PCSK4: variants seen among roughly 807,000 people sequenced by gnomAD.
The protein encoded by PCSK4 is testicular tissue protein Li 135.
A neutral mutation model predicts 80.3 loss-of-function variants in PCSK4; 64 were observed. The observed-to-expected ratio is 0.80, with a 90% CI of 0.65 to 0.98. The LOEUF (loss-of-function observed/expected upper bound fraction) is 0.98, where lower values mean the gene tolerates loss of function less well. Ranked by LOEUF, PCSK4 falls within the 50% of genes least tolerant of loss-of-function variation. The pLI is 0.00. For synonymous variants in PCSK4, 561 were observed against 487.6 expected, an observed-to-expected ratio of 1.15 and a Z score of -1.98; for missense variants, 1,213 against 1,093.6, an observed-to-expected ratio of 1.11 and a Z score of -1.54.
intron 2 of PCSK4, among the ~76,000 whole-genome samples, chr19:1,489,366 C>T (rs2084815074): frequency 6.6e-6 from 1 of 152,092 alleles, no homozygotes; most frequent in Non-Finnish European, 1.5e-5. Context: ...GATTTCCTGA[C>T]CTTGTGATCC....
intron 8 of PCSK4, among the ~76,000 whole-genome samples, chr19:1,486,217 T>G (rs1296714366): frequency 2.0e-5 from 3 of 151,990 alleles, no homozygotes; most frequent in Admixed American, 6.6e-5. Context: ...CCTCAGGTGA[T>G]CCACCCACCT....
chr19:1,486,826 G>T, intron 8 of PCSK4, 27 bp downstream of exon 8: 2 of 1,565,290 alleles, frequency 1.3e-6, no homozygotes, highest in East Asian at 2.3e-5. Flanking sequence ...CCTGGGGAGG[G>T]GACCCTGTTG....
At chr19:1,483,110 G>A (rs1397381402) in intron 12 of PCSK4, 90 bp from the exon 13 acceptor site, 6 of 1,315,408 alleles carry the variant, frequency 4.6e-6, no homozygotes, top group African/African-American at 4.4e-5. Flanking sequence ...GACCGCACGC[G>A]CTGGTGGCCG....
chr19:1,484,131 A>C lies in PCSK4; in HGVS notation c.1069-4T>G, dbSNP rs1392482155. ...CGTGATGCAGGTCCGTGGTGACCTG[A>C]GGGCAGAGGGGGGTGGGACTCGGGG... On this transcript the variant is annotated splice_polypyrimidine_tract_variant and splice_region_variant and intron_variant, in intron 8 of 14. Transcript: ENST00000300954. 2.0e-6 allele frequency: 3 copies of C among 1,532,916 alleles called. No individual in the cohort carries two copies. In the South Asian group the frequency reaches 3.6e-5, roughly 18 times the overall value. The allele number at this position is 1,532,916 out of a possible 1,614,324, so 95.0% of individuals were successfully genotyped here.
exon 8 of PCSK4, chr19:1,486,930 C>T (rs369332968): frequency 1.1e-5 from 17 of 1,605,216 alleles, no homozygotes; most frequent in African/African-American, 5.3e-5. Flanking sequence ...TACCAGGGCA[C>T]GCGGCCCTGC....
At chr19:1,483,521 C>T in intron 11 of PCSK4, 58 bp from the exon 12 acceptor site, 2 of 1,427,010 alleles carry the variant, frequency 1.4e-6, no homozygotes, top group South Asian at 2.5e-5. Flanking sequence ...GGGTGGGCGG[C>T]CAGCAGGCGA....
At chr19:1,490,546 G>A (rs898475920), upstream of PCSK4, 4 of 500,010 alleles carry the variant, frequency 8.0e-6, no homozygotes, top group Admixed American at 3.9e-5. Flanking sequence ...CCCGTCTTCC[G>A]CAGACCCACA....
chr19:1,482,036 G>A lies in PCSK4; in HGVS notation c.1991C>T (p.Pro664Leu), dbSNP rs559145373. 38 of 1,566,344 alleles carry A rather than the reference G, an allele frequency of 2.4e-5. No individual in the cohort carries two copies. The highest frequency in any genetic ancestry group is 2.0e-4 in the Middle Eastern group (1 of 5,010). ...TGGGGGACAGGAGGTGCAGTCCCTCGGGGAGCCGCCGCGGCAGGTGTAGCA... is the reference window on the plus strand; with the variant it reads ...TGGGGGACAGGAGGTGCAGTCCCTCAGGGAGCCGCCGCGGCAGGTGTAGCA... Residue 664 changes from proline to leucine, a missense_variant, in exon 15 of 15, where the codon CCG (proline) becomes CTG (leucine). Pro to Leu is a moderately conservative substitution (Grantham distance 98, BLOSUM62 -3). Transcript: ENST00000300954.
intron 13 of PCSK4, 29 bp downstream of exon 13, chr19:1,482,867 C>A: frequency 6.2e-7 from 1 of 1,608,168 alleles, no homozygotes; most frequent in South Asian, 1.1e-5. Context: ...AGCCAAGCCC[C>A]GCCCACCACA....
At position 1,483,710 on chromosome 19, in the gene PCSK4, C is replaced by T. The variant is rs376875738; in HGVS notation, c.1331G>A (p.Arg444His). 205 of 1,595,932 alleles carry T rather than the reference C, an allele frequency of 1.3e-4. No individual in the cohort carries two copies. Among genetic ancestry groups the T allele is most frequent in the Middle Eastern group, 7.7e-4 (4 of 5,220 alleles). Residue 444 changes from arginine to histidine, a missense_variant, in exon 11 of 15, where the codon CGC becomes CAC. Physicochemically the swap from Arg to His is conservative, Grantham distance 29. Transcript: ENST00000300954. ...CTGCGGCTGGGTGGGCAGCCAGGTG[C>T]GGGCGGTGTCCACCAGCAGCCCGGC...
At position 1,486,833 on chromosome 19, in the gene PCSK4, G is replaced by A. The variant is rs754604237; in HGVS notation, c.1068+20C>T. On this transcript the variant is annotated intron_variant, in intron 8 of 14. Coordinates refer to ENST00000300954, the Ensembl canonical transcript of PCSK4. Reference sequence around the variant, plus strand: ...TGGCAGGGCCTGGGGAGGGGACCCTGTTGGGGCGGCTGCACTCACGATCTG... The same window carrying A: ...TGGCAGGGCCTGGGGAGGGGACCCTATTGGGGCGGCTGCACTCACGATCTG... 1 of 1,580,640 alleles carries A rather than the reference G, an allele frequency of 6.3e-7. No homozygotes were observed. The highest frequency in any genetic ancestry group is 8.6e-7 in the Non-Finnish European group (1 of 1,169,140).
At chr19:1,486,533 T>C (rs2084621270) in intron 8 of PCSK4, among the ~76,000 whole-genome samples, 1 of 151,952 alleles carries the variant, frequency 6.6e-6, no homozygotes, top group Admixed American at 6.6e-5. Flanking sequence ...CCCGACCTCG[T>C]GATCCACCCG....
At chr19:1,484,512 C>T (rs1027303305) in intron 8 of PCSK4, among the ~76,000 whole-genome samples, 13 of 146,780 alleles carry the variant, frequency 8.9e-5, no homozygotes, top group Non-Finnish European at 1.6e-4. Flanking sequence ...AAAGTACTAA[C>T]GACTGAATTC....
At chr19:1,487,461 C>T (rs370390358) in intron 6 of PCSK4, 142 bp downstream of exon 6, 39 of 976,588 alleles carry the variant, frequency 4.0e-5, no homozygotes, top group Non-Finnish European at 2.7e-5. Context: ...TGGCTCAGCA[C>T]CCCCCAAGCC....
At chr19:1,486,621 A>T (rs2084629919) in intron 8 of PCSK4, among the ~76,000 whole-genome samples, 1 of 150,600 alleles carries the variant, frequency 6.6e-6, no homozygotes. Context: ...TTTAGTAGAG[A>T]CAGGGTTTCA....
At chr19:1,487,284 C>G in exon 7 of PCSK4, 1 of 1,599,088 alleles carries the variant, frequency 6.3e-7, no homozygotes, top group Non-Finnish European at 8.5e-7. Flanking sequence ...TCGATGACAT[C>G]GGTGATGGTA....
chr19:1,482,271 C>G, intron 14 of PCSK4, 64 bp from the exon 15 acceptor site: 1 of 1,527,700 alleles, frequency 6.5e-7, no homozygotes, highest in Non-Finnish European at 8.8e-7. Context: ...ACTCGCCACC[C>G]GCCCGCCTGG....
Position 1,486,451 on chromosome 19 carries a change from C to T in PCSK4, c.1068+402G>A, listed in dbSNP as rs550601955. On this transcript the variant is annotated intron_variant, in intron 8 of 14. Transcript: ENST00000300954. ...AGCTGGGACTACAGGCGCCCACCAC[C>T]ACGCCCGGCTAATTTTTTGTATTTT... is the stretch of plus-strand genomic sequence containing the variant. Among the ~76,000 whole-genome samples the T allele has an allele frequency of 3.9e-5, 6 of 152,186 alleles. No homozygotes were observed. In the East Asian group the frequency reaches 7.7e-4, roughly 20 times the overall value.
rs933421104 is a variant in PCSK4 at position 1,489,277 on chromosome 19, G to A, written c.294+516C>T. 2.0e-5 allele frequency among the ~76,000 whole-genome samples: 3 copies of A among 152,170 alleles called. No homozygotes were observed. In the South Asian group the frequency reaches 6.2e-4, roughly 32 times the overall value. On this transcript the variant is annotated intron_variant, in intron 2 of 14. Coordinates refer to ENST00000300954, the Ensembl canonical transcript of PCSK4. ...CTCCTGAATAGCTGGGACTACAGGCGCCTGCCACCATGCCCGGCTAATTTT... is the reference window on the plus strand; with the variant it reads ...CTCCTGAATAGCTGGGACTACAGGCACCTGCCACCATGCCCGGCTAATTTT...
Sources: allele counts gnomAD v4.1 joint callset (sites outside exome capture counted in the v4.1 genomes callset), GRCh38; gene constraint gnomAD v4.1.1; transcripts MANE v1.5; gene names NCBI Gene and HGNC (gene_info 2026-07-23, HGNC 2026-07-21).